The following ETV1 variants were observed in gnomAD, a reference collection of about 807,000 sequenced individuals.
ETV1 encodes ETS variant transcription factor 1.
In ETV1, 27 loss-of-function variants were observed where a neutral mutation model predicts 62.3. That is an observed-to-expected ratio of 0.43 (90% CI 0.32 to 0.60). The LOEUF (loss-of-function observed/expected upper bound fraction) is 0.60, where lower values mean the gene tolerates loss of function less well. ETV1 is among the 20% of genes least tolerant of loss of function. ETV1 has a pLI of 0.06. For missense variants in ETV1, 605 were observed against 605.8 expected (o/e 1.00, Z 0.01); for synonymous variants, 222 against 199.6 (o/e 1.11, Z -0.94).
chr7:13,910,256 G>C (rs1236254223), intron 10 of ETV1, among the ~76,000 whole-genome samples: 1 of 132,044 alleles, frequency 7.6e-6, no homozygotes, highest in African/African-American at 2.9e-5. Context: ...TTGCTGTAAG[G>C]TAAGTCCACA....
chr7:13,930,051 G>C (rs893320895), intron 9 of ETV1, among the ~76,000 whole-genome samples: 1 of 152,098 alleles, frequency 6.6e-6, no homozygotes, highest in African/African-American at 2.4e-5. Context: ...TTTATATCCA[G>C]ACAAAAGGAA....
intron 3 of ETV1, chr7:13,988,598 A>G: frequency 1.9e-6 from 2 of 1,066,886 alleles, no homozygotes; most frequent in Non-Finnish European, 1.2e-6. Context: ...GAGAAATGAA[A>G]AAAAAAAAAA....
chr7:13,945,403 A>G (rs1266707646), intron 6 of ETV1, among the ~76,000 whole-genome samples: 1 of 151,784 alleles, frequency 6.6e-6, no homozygotes, highest in African/African-American at 2.4e-5. Context: ...TAACAGGTTC[A>G]ACCTATGTGG....
intron 6 of ETV1, among the ~76,000 whole-genome samples, chr7:13,942,701 A>G (rs905475727): frequency 1.3e-5 from 2 of 152,146 alleles, no homozygotes; most frequent in African/African-American, 4.8e-5. Flanking sequence ...ACATTTTCAT[A>G]AGAAAAAGGA....
rs1215073117 is a variant in ETV1, at chr7:13,977,492, A to G, written c.182-12T>C. On this transcript the variant is annotated splice_polypyrimidine_tract_variant and intron_variant, in intron 5 of 13. Coordinates refer to ENST00000430479, the MANE Select transcript of ETV1 (RefSeq NM_004956.5). ...GTCAGGTACCTGAGCTGAAGAAGAA[A>G]AAGAAAATTAAAAAAAATTAAGAGA... 6.7e-7 allele frequency: 1 copy of G among 1,484,834 alleles called. No individual in the cohort carries two copies. The highest frequency in any genetic ancestry group is 1.2e-5 in the South Asian group (1 of 80,752). The allele number at this position is 1,484,834 out of a possible 1,614,324, so 92.0% of individuals were successfully genotyped here.
chr7:13,978,123 G>A (rs1031182515), intron 5 of ETV1, among the ~76,000 whole-genome samples: 2 of 152,028 alleles, frequency 1.3e-5, no homozygotes, highest in African/African-American at 4.8e-5. Flanking sequence ...TAACACAAAT[G>A]TCATCTTTTC....
At chr7:13,964,090 G>C (rs941821253) in intron 6 of ETV1, among the ~76,000 whole-genome samples, 3 of 152,150 alleles carry the variant, frequency 2.0e-5, no homozygotes, top group Admixed American at 2.0e-4. Context: ...TGAGACAACT[G>C]CATCACCTGA....
At chr7:13,967,276 C>A (rs1780396024) in intron 6 of ETV1, among the ~76,000 whole-genome samples, 1 of 152,018 alleles carries the variant, frequency 6.6e-6, no homozygotes, top group Admixed American at 6.6e-5. Flanking sequence ...ACTATATAGG[C>A]AATAACTAGG....
At chr7:13,965,884 C>A (rs887520560) in intron 6 of ETV1, among the ~76,000 whole-genome samples, 1 of 152,048 alleles carries the variant, frequency 6.6e-6, no homozygotes, top group Non-Finnish European at 1.5e-5. Context: ...TGCATGAATA[C>A]GTTTTTTAAA....
At chr7:13,901,323 A>G (rs571419264) in intron 12 of ETV1, among the ~76,000 whole-genome samples, 12 of 152,266 alleles carry the variant, frequency 7.9e-5, no homozygotes, top group African/African-American at 2.6e-4. Flanking sequence ...ATTTTAAACC[A>G]GGCGTGCAGT....
chr7:13,974,454 A>G (rs1176689585), intron 6 of ETV1, among the ~76,000 whole-genome samples: 1 of 152,200 alleles, frequency 6.6e-6, no homozygotes, highest in African/African-American at 2.4e-5. Context: ...TAAGAAGAAA[A>G]GTAACAAGGC....
chr7:13,896,756 G>GAAAGAAAGAAAGAA, intron 13 of ETV1, among the ~76,000 whole-genome samples: 1 of 115,472 alleles, frequency 8.7e-6, no homozygotes, highest in East Asian at 2.4e-4. Context: ...AAGAAAGAAA[G>GAAAGAAAGAAAGAA]AAAGAAAGAA....
intron 6 of ETV1, among the ~76,000 whole-genome samples, chr7:13,970,229 C>A (rs957815711): frequency 3.3e-5 from 5 of 150,114 alleles, no homozygotes; most frequent in African/African-American, 1.2e-4. Context: ...CCACTGCACT[C>A]CAGCCTGGGC....
chr7:13,904,942 C>T (rs1407264421), intron 12 of ETV1, among the ~76,000 whole-genome samples: 2 of 147,910 alleles, frequency 1.4e-5, no homozygotes, highest in African/African-American at 5.0e-5. Context: ...AGCATTCAAA[C>T]ACCCAAACGT....
chr7:13,932,297 A>G (rs954902948), intron 8 of ETV1, among the ~76,000 whole-genome samples: 20 of 152,198 alleles, frequency 1.3e-4, no homozygotes, highest in African/African-American at 4.3e-4. Flanking sequence ...CAATTCCTCA[A>G]CAATGTCCTA....
intron 11 of ETV1, among the ~76,000 whole-genome samples, chr7:13,909,153 A>G (rs1356967365): frequency 1.5e-5 from 2 of 135,246 alleles, no homozygotes; most frequent in Non-Finnish European, 3.2e-5. Flanking sequence ...AAAAAAAAAA[A>G]GGGACTAACA....
At position 13,894,262 on chromosome 7, in the gene ETV1, G is replaced by A. The variant is rs184927219; in HGVS notation, c.*1604C>T. ...ATGTCCCTTGCTTGAATCTTTTAGCGAGCTATTCAGAGATTCTATATCCCC... is the reference window on the plus strand; with the variant it reads ...ATGTCCCTTGCTTGAATCTTTTAGCAAGCTATTCAGAGATTCTATATCCCC... On this transcript the variant is annotated 3_prime_UTR_variant, in exon 14 of 14. Coordinates refer to ENST00000430479, the MANE Select transcript of ETV1 (RefSeq NM_004956.5). 10 of 231,168 alleles carry A rather than the reference G, an allele frequency of 4.3e-5. No individual in the cohort carries two copies. Among genetic ancestry groups the A allele is most frequent in the Non-Finnish European group, 7.7e-5 (9 of 117,456 alleles). 14.3% of individuals were successfully genotyped at this position (231,168 alleles called of 1,614,324 possible). A position where few individuals can be genotyped will look rare whatever the true frequency, so the allele number is the denominator to read the frequency against.
Position 13,974,525 on chromosome 7 carries a change from A to T in ETV1, c.235+2902T>A, listed in dbSNP as rs1332386512. On this transcript the variant is annotated intron_variant, in intron 6 of 13. Transcript: ENST00000430479. ...GCTTGCAAAGAGGGAAAATCAAAAGACAAGAAAACCAACCAAAAGGCTGAC... is the reference window on the plus strand; with the variant it reads ...GCTTGCAAAGAGGGAAAATCAAAAGTCAAGAAAACCAACCAAAAGGCTGAC... 2.6e-5 allele frequency among the ~76,000 whole-genome samples: 4 copies of T among 152,222 alleles called. No individual in the cohort carries two copies. In the East Asian group the frequency reaches 7.7e-4, roughly 29 times the overall value.
At chr7:13,950,898 G>A (rs914799001) in intron 6 of ETV1, among the ~76,000 whole-genome samples, 1 of 91,770 alleles carries the variant, frequency 1.1e-5, no homozygotes, top group Non-Finnish European at 2.0e-5. Flanking sequence ...GCTTCTCTAG[G>A]AACACACACA....
Sources: gnomAD v4.1 joint callset for allele counts (sites outside exome capture counted in the v4.1 genomes callset) on GRCh38, gnomAD v4.1.1 for gene constraint, MANE v1.5 for transcripts, NCBI Gene and HGNC (gene_info 2026-07-23, HGNC 2026-07-21) for gene names.